DOP1B: variants seen among roughly 807,000 people sequenced by gnomAD.
DOP1B encodes protein DOP1B.
In DOP1B, 174 loss-of-function variants were observed where a neutral mutation model predicts 233.5. The observed-to-expected ratio is 0.75, with a 90% confidence interval of 0.66 to 0.85. The LOEUF (loss-of-function observed/expected upper bound fraction) is 0.85, where lower values mean the gene tolerates loss of function less well. DOP1B is among the 40% of genes least tolerant of loss of function. The pLI, the probability that DOP1B is intolerant of heterozygous loss-of-function variation, is 0.00. For synonymous variants in DOP1B, 1,190 were observed against 1,185.6 expected, an observed-to-expected ratio of 1.00 and a Z score of -0.08; for missense variants, 2,652 against 2,846.6, an observed-to-expected ratio of 0.93 and a Z score of 1.56.
At chr21:36,236,420 C>T (rs1027359120) in intron 15 of DOP1B, among the ~76,000 whole-genome samples, 4 of 152,226 alleles carry the variant, frequency 2.6e-5, no homozygotes, top group African/African-American at 9.6e-5. Flanking sequence ...AGGCGTGGCT[C>T]TTTATCCATG....
At chr21:36,162,601 C>T (rs11908977) in intron 1 of DOP1B, among the ~76,000 whole-genome samples, 56,457 of 151,798 alleles carry the variant, frequency 0.37, 10,645 homozygotes, top group South Asian at 0.5. Context: ...GGTACAGTGG[C>T]GCAGTCTCAC....
In DOP1B at chr21:36,248,320, G is replaced by A. The variant is rs2066992431; in HGVS notation, c.4810-60G>A. ...TAATCCCGCTAGCACTGCTGCCCTC[G>A]TGGGAAGAAAAACCATTCCACAGAC... is the stretch of plus-strand genomic sequence containing the variant. On this transcript the variant is annotated intron_variant, in intron 20 of 36. Coordinates refer to ENST00000691173, the MANE Select transcript of DOP1B (RefSeq NM_001320714.2). 10 of 1,575,392 alleles carry A rather than the reference G, an allele frequency of 6.3e-6. No homozygotes were observed. The East Asian group carries it at 1.1e-4, about 18-fold the overall frequency.
In DOP1B at chr21:36,245,684, A is replaced by ACGACTCT. The variant is rs750478908; in HGVS notation, c.3707_3713dup (p.Arg1239LeufsTer20). ...CACATCCTGCTCTACCTGCAGCCCT[A>ACGACTCT]CGACTCTCGGCGGGTCCTCTATGCC... is the stretch of plus-strand genomic sequence containing the variant. On this transcript the variant is annotated frameshift_variant, in exon 19 of 37. Transcript: ENST00000691173. LOFTEE classifies it high-confidence loss of function. This position sits in a 1 kb window ranked among gnomAD's most constrained non-coding sequence, Gnocchi z 5.5. The ACGACTCT allele has an allele frequency of 6.2e-7, 1 of 1,613,130 alleles. No homozygotes were observed. The highest frequency in any genetic ancestry group is 2.2e-5 in the East Asian group (1 of 44,820).
At position 36,245,663 on chromosome 21, in the gene DOP1B, T is replaced by A. The variant is rs1347154893; in HGVS notation, c.3683T>A (p.Ile1228Asn). Reference protein sequence around the residue: ...QEAVEALFKHILLYLQPYDSR... With the variant: ...QEAVEALFKHNLLYLQPYDSR... ...GCCGTCGAGGCCTTGTTCAAGCACA[T>A]CCTGCTCTACCTGCAGCCCTACGAC... is the stretch of plus-strand genomic sequence containing the variant. The change falls in exon 19 of 37, where the codon ATC becomes AAC. Residue 1228 changes from isoleucine to asparagine, a missense_variant. By Grantham distance (149) the Ile-to-Asn change is moderately radical. Around this residue, in one of 3 missense-constraint regions of DOP1B, gnomAD observed 2,617 missense variants for 2,794.3 expected, o/e 0.94. Transcript: ENST00000691173. This position sits in a 1 kb window ranked among gnomAD's most constrained non-coding sequence, Gnocchi z 5.5. The A allele has an allele frequency of 1.2e-6, 2 of 1,612,996 alleles. No homozygotes were observed. Among genetic ancestry groups the A allele is most frequent in the Non-Finnish European group, 1.7e-6 (2 of 1,179,956 alleles).
rs1190445761 is a variant in DOP1B at position 36,214,694 on chromosome 21, T to C, written c.1129+138T>C. On this transcript the variant is annotated intron_variant, in intron 9 of 36. Transcript: ENST00000691173. The stretch of plus-strand genomic sequence containing the variant: ...TTGGAATTTCACAACTTTGAAGTCA[T>C]GTTATATGGTTCAATGATCATATCT... The C allele has an allele frequency of 6.5e-5, 53 of 819,862 alleles. No individual in the cohort carries two copies. In the Middle Eastern group the frequency reaches 1.0e-3, roughly 16 times the overall value. 50.8% of individuals were successfully genotyped at this position (819,862 alleles called of 1,614,324 possible). A position where few individuals can be genotyped will look rare whatever the true frequency, so the allele number is the denominator to read the frequency against.
intron 14 of DOP1B, among the ~76,000 whole-genome samples, chr21:36,232,081 C>T (rs959463967): frequency 2.0e-5 from 3 of 151,918 alleles, no homozygotes; most frequent in Admixed American, 6.6e-5. Context: ...TTTGACCTCG[C>T]GATCCACCCG....
Position 36,204,658 on chromosome 21 carries a change from A to ATTTTTTTTTTTT in DOP1B, c.492-4052_492-4041dup, listed in dbSNP as rs56725433. ...GCCACCCCTTTTGGCTGACATTTCT[A>ATTTTTTTTTTTT]TTTTTTTTTTTTTTTTGAGACAGTC... On this transcript the variant is annotated intron_variant, in intron 4 of 36. Coordinates refer to ENST00000691173, the MANE Select transcript of DOP1B (RefSeq NM_001320714.2). 3.2e-4 allele frequency among the ~76,000 whole-genome samples: 37 copies of ATTTTTTTTTTTT among 115,166 alleles called. 9 individuals are homozygous for ATTTTTTTTTTTT. The highest frequency in any genetic ancestry group is 4.3e-4 in the Non-Finnish European group (25 of 58,206). The allele number at this position is 115,166 out of a possible 152,430, so 75.6% of individuals were successfully genotyped here.
intron 1 of DOP1B, among the ~76,000 whole-genome samples, chr21:36,157,837 G>A (rs1434902125): frequency 6.6e-6 from 1 of 152,154 alleles, no homozygotes; most frequent in East Asian, 1.9e-4. Context: ...TTATGTGGTA[G>A]GGTCACTGTC....
At position 36,214,483 on chromosome 21, in the gene DOP1B, C is replaced by T. The variant is rs778740209; in HGVS notation, c.1056C>T (p.Asp352=). Reference sequence around the variant, plus strand: ...TGCATCAGAAGTTCATAGATGCTGACGTGGAGGAACGCCATCATGCATACC... The same window carrying T: ...TGCATCAGAAGTTCATAGATGCTGATGTGGAGGAACGCCATCATGCATACC... The part of the protein sequence containing the change: ...EILHQKFIDA[D]VEERHHAYLK... The change falls in exon 9 of 37, where the codon GAC becomes GAT. Residue 352 remains aspartate, a synonymous_variant. Transcript: ENST00000691173. 4.5e-5 allele frequency: 73 copies of T among 1,613,602 alleles called. No individual in the cohort carries two copies. Among genetic ancestry groups the T allele is most frequent in the Non-Finnish European group, 5.6e-5 (66 of 1,179,976 alleles).
At chr21:36,179,189 T>G (rs572808095) in intron 2 of DOP1B, among the ~76,000 whole-genome samples, 73 of 152,350 alleles carry the variant, frequency 4.8e-4, no homozygotes, top group African/African-American at 1.7e-3. Flanking sequence ...CATGGATATA[T>G]ACAATTTCTT....
rs1009259933 is a variant in DOP1B at position 36,182,320 on chromosome 21, G to A, written c.139-16750G>A. Among the ~76,000 whole-genome samples the A allele has an allele frequency of 3.3e-5, 5 of 152,114 alleles. No homozygotes were observed. In the South Asian group the frequency reaches 1.0e-3, roughly 32 times the overall value. On this transcript the variant is annotated intron_variant, in intron 2 of 36. Transcript: ENST00000691173. Reference sequence around the variant, plus strand: ...TTTGGGGATCAGGTGGTGATGCGCTGCAGGGTGGGGGCCCCAGCAGTAAAT... The same window carrying A: ...TTTGGGGATCAGGTGGTGATGCGCTACAGGGTGGGGGCCCCAGCAGTAAAT...
intron 15 of DOP1B, among the ~76,000 whole-genome samples, chr21:36,235,440 C>T (rs1836857787): frequency 6.6e-6 from 1 of 152,038 alleles, no homozygotes; most frequent in African/African-American, 2.4e-5. Flanking sequence ...TGAAGGAAGG[C>T]CCGGCTCGGT....
chr21:36,212,073 A>G lies in DOP1B; in HGVS notation c.880A>G (p.Arg294Gly), dbSNP rs779328781. ...TLLRRDMSLN[R>G]RLYAWLLGSD... Reference sequence around the variant, plus strand: ...ACTGAGAAGGGACATGTCCCTGAACAGAAGACTGTATGCATGGTTACTAGG... The same window carrying G: ...ACTGAGAAGGGACATGTCCCTGAACGGAAGACTGTATGCATGGTTACTAGG... Residue 294 changes from arginine to glycine, a missense_variant, in exon 7 of 37, where the codon AGA (arginine) becomes GGA (glycine). Physicochemically the swap from Arg to Gly is moderately radical, Grantham distance 125 (BLOSUM62 -2). This residue lies in a region of DOP1B where 2,617 missense variants were observed against 2,794.3 expected (regional missense o/e 0.94). Coordinates refer to ENST00000691173, the MANE Select transcript of DOP1B (RefSeq NM_001320714.2). 1 of 1,612,584 alleles carries G rather than the reference A, an allele frequency of 6.2e-7. No homozygotes were observed. Among genetic ancestry groups the G allele is most frequent in the Non-Finnish European group, 8.5e-7 (1 of 1,179,580 alleles).
chr21:36,215,338 G>T (rs1601417915), intron 9 of DOP1B, among the ~76,000 whole-genome samples: 1 of 152,042 alleles, frequency 6.6e-6, no homozygotes, highest in African/African-American at 2.4e-5. Flanking sequence ...AGATACTATG[G>T]TCCTATGAGC....
At chr21:36,244,900 G>A in intron 18 of DOP1B, 148 bp from the exon 19 acceptor site, 1 of 752,886 alleles carries the variant, frequency 1.3e-6, no homozygotes. Flanking sequence ...TGTCTGTAAT[G>A]TAAACCGGAC....
At position 36,231,103 on chromosome 21, in the gene DOP1B, G is replaced by A. The variant is rs1473955140; in HGVS notation, c.2319G>A (p.Glu773=). Residue 773 remains glutamate (E), a synonymous_variant, in exon 14 of 37, where the codon GAG becomes GAA. Transcript: ENST00000691173. Reference sequence around the variant, plus strand: ...TCTACCTGTCCGAGGAAGAGACCGAGCAGCTCTGTGCAACGCTCTTCCAGC... The same window carrying A: ...TCTACCTGTCCGAGGAAGAGACCGAACAGCTCTGTGCAACGCTCTTCCAGC... ...FPVYLSEEET[E]QLCATLFQLP... is the part of the protein sequence containing the mutation. 6.2e-7 allele frequency: 1 copy of A among 1,603,420 alleles called. No individual in the cohort carries two copies.
chr21:36,235,743 A>G (rs1246834748), intron 15 of DOP1B, among the ~76,000 whole-genome samples: 6 of 151,214 alleles, frequency 4.0e-5, no homozygotes, highest in Non-Finnish European at 7.4e-5. Flanking sequence ...AATATATATG[A>G]GGGAGTAGGT....
At chr21:36,229,299 C>T (rs2066730760) in intron 13 of DOP1B, among the ~76,000 whole-genome samples, 1 of 152,182 alleles carries the variant, frequency 6.6e-6, no homozygotes, top group African/African-American at 2.4e-5. Context: ...GCAAGGTTGG[C>T]ACCTCCTGAG....
At chr21:36,237,222 T>G in intron 15 of DOP1B, 40 bp from the exon 16 acceptor site, 1 of 1,613,764 alleles carries the variant, frequency 6.2e-7, no homozygotes, top group Non-Finnish European at 8.5e-7. Flanking sequence ...GTTGCCTGTG[T>G]TGACCTGGTC....
Sources: allele counts gnomAD v4.1 joint callset (sites outside exome capture counted in the v4.1 genomes callset), GRCh38; gene constraint gnomAD v4.1.1; regional missense constraint gnomAD v4.1.1; non-coding constraint Gnocchi (gnomAD v3.1); transcripts MANE v1.5; gene names NCBI Gene and HGNC (gene_info 2026-07-23, HGNC 2026-07-21).